PDSS2: variants seen among roughly 807,000 people sequenced by gnomAD.
The protein encoded by PDSS2 is decaprenyl diphosphate synthase subunit 2, also known as all trans-polyprenyl-diphosphate synthase PDSS2.
A neutral mutation model predicts 44.5 loss-of-function variants in PDSS2; 31 were observed. The observed-to-expected ratio is 0.70, with a 90% CI of 0.52 to 0.94. The LOEUF (loss-of-function observed/expected upper bound fraction) is 0.94. PDSS2 is among the 40% of genes least tolerant of loss of function. PDSS2 has a pLI of 0.00. For synonymous variants in PDSS2, 157 were observed against 180.3 expected (o/e 0.87, Z 1.03); for missense variants, 452 against 482.2 (o/e 0.94, Z 0.59).
chr6:107,302,617 G>A (rs934926949), intron 2 of PDSS2, among the ~76,000 whole-genome samples: 2 of 151,604 alleles, frequency 1.3e-5, no homozygotes, highest in African/African-American at 4.8e-5. Context: ...TCCCTCTCTT[G>A]GATAATATTT....
intron 3 of PDSS2, among the ~76,000 whole-genome samples, chr6:107,246,479 T>C (rs1248748047): frequency 6.6e-6 from 1 of 152,230 alleles, no homozygotes; most frequent in Non-Finnish European, 1.5e-5. Context: ...TCCTATGTTA[T>C]GCAGTCCTGT....
chr6:107,390,122 A>C (rs2114520152), intron 1 of PDSS2, among the ~76,000 whole-genome samples: 1 of 152,262 alleles, frequency 6.6e-6, no homozygotes. Context: ...AATTCCAATT[A>C]ATTTACACAG....
At chr6:107,181,110 G>A (rs1207796892) in intron 7 of PDSS2, among the ~76,000 whole-genome samples, 1 of 152,154 alleles carries the variant, frequency 6.6e-6, no homozygotes, top group Non-Finnish European at 1.5e-5. Flanking sequence ...CTCCCAAAGT[G>A]CTGGAATTAT....
chr6:107,191,901 T>C (rs1278546894), intron 7 of PDSS2, among the ~76,000 whole-genome samples: 3 of 152,182 alleles, frequency 2.0e-5, no homozygotes, highest in Admixed American at 6.5e-5. Context: ...TATGAGCCAC[T>C]GCACCTGGCC....
chr6:107,164,594 C>A (rs139302266), intron 7 of PDSS2, among the ~76,000 whole-genome samples: 2,516 of 152,256 alleles, frequency 0.017, 32 homozygotes, highest in South Asian at 0.036. Context: ...GGTTCCAAGT[C>A]TTTGCTATTG....
At chr6:107,279,612 C>T (rs1478537763) in intron 2 of PDSS2, among the ~76,000 whole-genome samples, 2 of 152,074 alleles carry the variant, frequency 1.3e-5, no homozygotes, top group Non-Finnish European at 2.9e-5. Flanking sequence ...GCAACACATC[C>T]CTTCCAGTCC....
At chr6:107,239,237 ACTGCACTC>A (rs1774333416) in intron 4 of PDSS2, among the ~76,000 whole-genome samples, 1 of 152,216 alleles carries the variant, frequency 6.6e-6, no homozygotes. Context: ...AGATTGTGCC[ACTGCACTC>A]CAGCCTGGAT....
chr6:107,346,391 G>T (rs1479684227), intron 1 of PDSS2, among the ~76,000 whole-genome samples: 3 of 152,204 alleles, frequency 2.0e-5, no homozygotes, highest in South Asian at 4.1e-4. Context: ...CCATTTTGTT[G>T]ATCAGGATAC....
At chr6:107,362,602 T>C (rs902676937) in intron 1 of PDSS2, among the ~76,000 whole-genome samples, 2 of 152,184 alleles carry the variant, frequency 1.3e-5, no homozygotes, top group Non-Finnish European at 2.9e-5. Flanking sequence ...TGCTACAATA[T>C]ATTGTCTAAA....
intron 7 of PDSS2, among the ~76,000 whole-genome samples, chr6:107,164,168 A>AAT (rs1554247164): frequency 1.3e-5 from 2 of 150,276 alleles, no homozygotes; most frequent in Admixed American, 1.3e-4. Flanking sequence ...CTTAAAAAAA[A>AAT]TTTTTTTTTT....
In PDSS2 at chr6:107,263,460, G is replaced by A. The variant is rs187931610; in HGVS notation, c.630+10569C>T. On this transcript the variant is annotated intron_variant, in intron 3 of 7. Coordinates refer to ENST00000369037, the MANE Select transcript of PDSS2 (RefSeq NM_020381.4). ...AGAGCAAGACTGAAAAAAAAAAAAA[G>A]GGTGTCTTTGAATGCCAGGCATATG... Among the ~76,000 whole-genome samples the A allele has an allele frequency of 4.2e-3, 642 of 151,352 alleles. 4 individuals are homozygous for A. The highest frequency in any genetic ancestry group is 0.015 in the African/African-American group (616 of 41,326).
intron 4 of PDSS2, among the ~76,000 whole-genome samples, chr6:107,214,241 C>CT (rs962860794): frequency 6.6e-6 from 1 of 151,926 alleles, no homozygotes; most frequent in African/African-American, 2.4e-5. Flanking sequence ...AGTAGCTGGA[C>CT]TACAGGCGCC....
chr6:107,363,087 G>C (rs1303011066), intron 1 of PDSS2, among the ~76,000 whole-genome samples: 4 of 152,104 alleles, frequency 2.6e-5, no homozygotes, highest in South Asian at 2.1e-4. Flanking sequence ...AGAAGATGAG[G>C]AAAAGTGAGA....
intron 7 of PDSS2, chr6:107,192,426 G>A: frequency 2.1e-6 from 1 of 483,252 alleles, no homozygotes; most frequent in Non-Finnish European, 4.1e-6. Flanking sequence ...GGCAGTGAAG[G>A]AAAAAAAATC....
intron 1 of PDSS2, among the ~76,000 whole-genome samples, chr6:107,439,268 T>C (rs915520189): frequency 1.7e-4 from 26 of 152,166 alleles, no homozygotes; most frequent in Non-Finnish European, 4.4e-5. Context: ...ATGATTTCTT[T>C]CTGAAAAACA....
At chr6:107,249,424 C>T (rs1029763290) in intron 3 of PDSS2, among the ~76,000 whole-genome samples, 1 of 152,126 alleles carries the variant, frequency 6.6e-6, no homozygotes, top group African/African-American at 2.4e-5. Context: ...AAATCAGGGA[C>T]CTCTGAAACA....
intron 1 of PDSS2, among the ~76,000 whole-genome samples, chr6:107,434,534 T>G (rs1781289929): frequency 6.6e-6 from 1 of 152,160 alleles, no homozygotes; most frequent in South Asian, 2.1e-4. Flanking sequence ...TACTCATTTG[T>G]GGGAGGTAAA....
In PDSS2 at chr6:107,403,271, T is replaced by C. The variant is rs550695643; in HGVS notation, c.296+55719A>G. The stretch of plus-strand genomic sequence containing the variant: ...TCCAAAATGACCTCCTTTGACTCCA[T>C]GTCTCACATCCAGGTCACGCTGATA... On this transcript the variant is annotated intron_variant, in intron 1 of 7. Coordinates refer to ENST00000369037, the MANE Select transcript of PDSS2 (RefSeq NM_020381.4). 8.5e-5 allele frequency among the ~76,000 whole-genome samples: 13 copies of C among 152,318 alleles called. No individual in the cohort carries two copies. The South Asian group carries it at 2.5e-3, about 29-fold the overall frequency.
chr6:107,225,203 A>G (rs1347643628), intron 4 of PDSS2, among the ~76,000 whole-genome samples: 1 of 105,342 alleles, frequency 9.5e-6, no homozygotes, highest in Non-Finnish European at 1.7e-5. Context: ...ACAGAGTGTC[A>G]CTCTGTTGCC....
Sources: allele counts gnomAD v4.1 joint callset (sites outside exome capture counted in the v4.1 genomes callset), GRCh38; gene constraint gnomAD v4.1.1; transcripts MANE v1.5; gene names NCBI Gene and HGNC (gene_info 2026-07-23, HGNC 2026-07-21).